HVCN1: variants seen among roughly 807,000 people sequenced by gnomAD.
HVCN1 encodes the protein hydrogen voltage gated channel 1, also known as voltage-gated hydrogen channel 1.
In HVCN1, 14 loss-of-function variants were observed where a neutral mutation model predicts 29.2. The ratio of observed to expected loss-of-function variants is 0.48; its 90% CI spans 0.32 to 0.75. HVCN1 has a LOEUF of 0.75. Among genes scored for constraint, HVCN1 ranks in the 30% least tolerant of loss-of-function variants. HVCN1 has a pLI of 0.04. For missense variants in HVCN1, 263 were observed against 341.8 expected (o/e 0.77, Z 1.82); for synonymous variants, 131 against 133.2 (o/e 0.98, Z 0.11).
rs1188516457 is a variant in HVCN1, at chr12:110,661,981, A to G, written c.22-533T>C. Among the ~76,000 whole-genome samples, 1 of 152,236 alleles carries G rather than the reference A, an allele frequency of 6.6e-6. No homozygotes were observed. Among genetic ancestry groups the G allele is most frequent in the African/African-American group, 2.4e-5 (1 of 41,460 alleles). Reference sequence around the variant, plus strand: ...CACACGGACAGTTGTTTAAAGCAAAAGCAAATATCCCTGTGCCCTCTCTCC... The same window carrying G: ...CACACGGACAGTTGTTTAAAGCAAAGGCAAATATCCCTGTGCCCTCTCTCC... On this transcript the variant is annotated intron_variant, in intron 3 of 7. Transcript: ENST00000242607. The surrounding 1 kb of genome is among the most constrained non-coding windows in gnomAD (Gnocchi z 6.2).
chr12:110,672,972 G>T lies in HVCN1; in HGVS notation c.21+10253C>A, dbSNP rs60145624. ...AGTGTGAAAACTAATACAGTAAATTGGTACCAGTAGAGTGGGACATTGCTG... is the reference window on the plus strand; with the variant it reads ...AGTGTGAAAACTAATACAGTAAATTTGTACCAGTAGAGTGGGACATTGCTG... On this transcript the variant is annotated intron_variant, in intron 3 of 7. Transcript: ENST00000242607. Among the ~76,000 whole-genome samples, 375 of 152,250 alleles carry T rather than the reference G, an allele frequency of 2.5e-3. 1 individual carries two copies. Among genetic ancestry groups the T allele is most frequent in the African/African-American group, 8.4e-3 (348 of 41,532 alleles).
Position 110,661,289 on chromosome 12 carries a change from G to A in HVCN1, c.181C>T (p.Pro61Ser). 1 of 1,614,184 alleles carries A rather than the reference G, an allele frequency of 6.2e-7. No homozygotes were observed. The highest frequency in any genetic ancestry group is 8.5e-7 in the Non-Finnish European group (1 of 1,180,024). Reference protein sequence around the residue: ...EEEEEQPPPTPVSGEEGRAAA... With the variant: ...EEEEEQPPPTSVSGEEGRAAA... The stretch of plus-strand genomic sequence containing the variant: ...GCTCTGCCTTCCTCGCCTGAGACTG[G>A]TGTGGGTGGTGGCTGCTCCTCCTCC... The change falls in exon 4 of 8, where the codon CCA becomes TCA. Residue 61 changes from proline (P) to serine (S), a missense_variant. By Grantham distance (74) the Pro-to-Ser change is moderately conservative (BLOSUM62 -1). Around this residue, in one of 3 missense-constraint regions of HVCN1, gnomAD observed 157 missense variants for 181.3 expected, o/e 0.87. Coordinates refer to ENST00000242607, the MANE Select transcript of HVCN1 (RefSeq NM_032369.4). The surrounding 1 kb of genome is among the most constrained non-coding windows in gnomAD (Gnocchi z 6.2).
At chr12:110,677,990 A>T (rs1349967738) in intron 3 of HVCN1, among the ~76,000 whole-genome samples, 1 of 152,244 alleles carries the variant, frequency 6.6e-6, no homozygotes, top group Non-Finnish European at 1.5e-5. Flanking sequence ...CAGGAGTAGG[A>T]ACTGTAATCA....
In HVCN1 at chr12:110,660,683, A is replaced by G. The variant is rs77949921; in HGVS notation, c.306+481T>C. Among the ~76,000 whole-genome samples the G allele has an allele frequency of 6.8e-3, 1,042 of 152,260 alleles. 1 individual carries two copies. Among genetic ancestry groups the G allele is most frequent in the Non-Finnish European group, 9.4e-3 (637 of 68,002 alleles). ...ACCACTATAATTCCAGAACATTTTC[A>G]TCTCCTCAAATGGAAACACTCCCAC... On this transcript the variant is annotated intron_variant, in intron 4 of 7. Coordinates refer to ENST00000242607, the MANE Select transcript of HVCN1 (RefSeq NM_032369.4).
intron 6 of HVCN1, among the ~76,000 whole-genome samples, chr12:110,650,566 T>C (rs2067758808): frequency 6.6e-6 from 1 of 152,198 alleles, no homozygotes; most frequent in African/African-American, 2.4e-5. Context: ...TTCACAATCA[T>C]GTGGGTGCAC....
intron 3 of HVCN1, 125 bp downstream of exon 3, chr12:110,683,100 A>C (rs2069044017): frequency 7.8e-7 from 1 of 1,280,014 alleles, no homozygotes; most frequent in African/African-American, 1.5e-5. Flanking sequence ...TTTGATTTTA[A>C]ATATTTCAGT....
At chr12:110,685,407 C>G (rs1254103328) in intron 2 of HVCN1, among the ~76,000 whole-genome samples, 2 of 152,192 alleles carry the variant, frequency 1.3e-5, no homozygotes, top group African/African-American at 4.8e-5. Context: ...CGATTGTGGA[C>G]TTTTGACTTC....
At chr12:110,650,028 AGAGACAGG>A (rs1330708264) in intron 7 of HVCN1, 132 bp downstream of exon 7, 2 of 565,684 alleles carry the variant, frequency 3.5e-6, no homozygotes, top group Admixed American at 5.8e-5. Flanking sequence ...TATTTTTAGC[AGAGACAGG>A]GTTTCTCCAT....
At chr12:110,666,252 A>C (rs956239281) in intron 3 of HVCN1, among the ~76,000 whole-genome samples, 4 of 151,250 alleles carry the variant, frequency 2.6e-5, no homozygotes, top group African/African-American at 9.7e-5. Flanking sequence ...CCCCATCTCT[A>C]CTAAAAAAAA....
chr12:110,653,295 AC>A (rs546180993), intron 5 of HVCN1, among the ~76,000 whole-genome samples: 1 of 152,064 alleles, frequency 6.6e-6, no homozygotes, highest in East Asian at 1.9e-4. Flanking sequence ...CCCTGTCTCT[AC>A]AAAAAATTTA....
At position 110,651,387 on chromosome 12, in the gene HVCN1, A is replaced by C. The variant is rs2136243257; in HGVS notation, c.473T>G (p.Leu158Ter). The change falls in exon 6 of 8, where the codon TTA becomes TGA. Residue 158 changes from leucine (L) to a stop codon, truncating the protein, a stop_gained. Coordinates refer to ENST00000242607, the MANE Select transcript of HVCN1 (RefSeq NM_032369.4). LOFTEE classifies it high-confidence loss of function. Reference protein sequence around the residue: ...VFFMMEIIFKLFVFRLEFFHH... With the variant: ...VFFMMEIIFK ...AAAGAACTCCAGGCGGAAGACAAAT[A>C]ATTTAAAGATGATCTCCATCATAAA... 6.2e-7 allele frequency: 1 copy of C among 1,614,006 alleles called. No individual in the cohort carries two copies. The highest frequency in any genetic ancestry group is 1.6e-4 in the Middle Eastern group (1 of 6,062).
intron 4 of HVCN1, among the ~76,000 whole-genome samples, chr12:110,660,447 C>A (rs2068131093): frequency 6.6e-6 from 1 of 152,242 alleles, no homozygotes; most frequent in African/African-American, 2.4e-5. Flanking sequence ...GAGACTGAGG[C>A]CCCCAGCGTG....
chr12:110,657,658 G>T (rs1182408552), intron 4 of HVCN1, among the ~76,000 whole-genome samples: 1 of 151,974 alleles, frequency 6.6e-6, no homozygotes, highest in Non-Finnish European at 1.5e-5. Context: ...CAATGCAAAA[G>T]AAAAATGAGA....
intron 2 of HVCN1, among the ~76,000 whole-genome samples, chr12:110,686,537 G>A (rs758206487): frequency 1.3e-5 from 2 of 152,084 alleles, no homozygotes; most frequent in Non-Finnish European, 2.9e-5. Flanking sequence ...CACCACAAGA[G>A]GAGGTGAAGG....
At chr12:110,655,971 C>G (rs2067978343) in intron 4 of HVCN1, among the ~76,000 whole-genome samples, 1 of 152,212 alleles carries the variant, frequency 6.6e-6, no homozygotes, top group Non-Finnish European at 1.5e-5. Flanking sequence ...TCCCAAAGTG[C>G]TGGGATTACA....
At position 110,649,233 on chromosome 12, in the gene HVCN1, TTGGTGGTAC is replaced by T; in HGVS notation, c.*168_*176del. Reference sequence around the variant, plus strand: ...TGGGGTGGGAGTGGATGGGCAGCTCTTGGTGGTACTGGACCTTCCACAAGGCTGTGTCCA... The same window carrying T: ...TGGGGTGGGAGTGGATGGGCAGCTCTTGGACCTTCCACAAGGCTGTGTCCA... On this transcript the variant is annotated 3_prime_UTR_variant, in exon 8 of 8. Transcript: ENST00000242607. 1.5e-6 allele frequency: 1 copy of T among 672,568 alleles called. No homozygotes were observed. Among genetic ancestry groups the T allele is most frequent in the African/African-American group, 1.8e-5 (1 of 55,720 alleles). 41.7% of individuals were successfully genotyped at this position (672,568 alleles called of 1,614,324 possible).
chr12:110,677,662 C>G (rs2068792418), intron 3 of HVCN1, among the ~76,000 whole-genome samples: 2 of 152,188 alleles, frequency 1.3e-5, no homozygotes, highest in African/African-American at 2.4e-5. Flanking sequence ...CCTTCCTGCC[C>G]CAGGGGATCC....
rs952907210 is a variant in HVCN1, at chr12:110,649,179, T to A, written c.*231A>T. 12 of 683,284 alleles carry A rather than the reference T, an allele frequency of 1.8e-5. No homozygotes were observed. Among genetic ancestry groups the A allele is most frequent in the Non-Finnish European group, 3.2e-5 (12 of 377,532 alleles). 42.3% of individuals were successfully genotyped at this position (683,284 alleles called of 1,614,324 possible). A position where few individuals can be genotyped will look rare whatever the true frequency, so the allele number is the denominator to read the frequency against. On this transcript the variant is annotated 3_prime_UTR_variant, in exon 8 of 8. Transcript: ENST00000242607. ...TCAATTAAGGCTAAAGTGTTCAACA[T>A]GAGAAAATGTGATACATTTGATACA...
intron 3 of HVCN1, among the ~76,000 whole-genome samples, chr12:110,677,209 A>AT (rs1422399627): frequency 1.3e-5 from 2 of 151,500 alleles, no homozygotes; most frequent in African/African-American, 4.8e-5. Context: ...TGTCTGTTAA[A>AT]AAAAAAAAAG....
Sources: allele counts gnomAD v4.1 joint callset (sites outside exome capture counted in the v4.1 genomes callset), GRCh38; gene constraint gnomAD v4.1.1; regional missense constraint gnomAD v4.1.1; non-coding constraint Gnocchi (gnomAD v3.1); transcripts MANE v1.5; gene names NCBI Gene and HGNC (gene_info 2026-07-23, HGNC 2026-07-21).